The following DEPDC5 variants were observed in gnomAD, a reference collection of about 807,000 sequenced individuals.
DEPDC5 encodes GATOR1 complex protein DEPDC5.
A neutral mutation model predicts 217.3 loss-of-function variants in DEPDC5; 73 were observed. That is an observed-to-expected ratio of 0.34 (90% CI 0.28 to 0.41). DEPDC5 has a LOEUF of 0.41. DEPDC5 is among the 10% of genes least tolerant of loss of function. The pLI, the probability that DEPDC5 is intolerant of heterozygous loss-of-function variation, is 1.00. For missense variants in DEPDC5, 1,675 were observed against 2,070.1 expected (o/e 0.81, Z 3.70); for synonymous variants, 733 against 756.7 (o/e 0.97, Z 0.51).
At chr22:31,871,894 C>T (rs938205885) in intron 34 of DEPDC5, among the ~76,000 whole-genome samples, 23 of 152,176 alleles carry the variant, frequency 1.5e-4, no homozygotes, top group African/African-American at 5.3e-4. Context: ...AGTTCTTTGC[C>T]ATTGAAGATG....
intron 2 of DEPDC5, among the ~76,000 whole-genome samples, chr22:31,756,357 G>A (rs956938530): frequency 6.6e-6 from 1 of 152,140 alleles, no homozygotes; most frequent in African/African-American, 2.4e-5. Flanking sequence ...TAGACTCTGT[G>A]CTCAATAAAT....
chr22:31,847,806 GC>G (rs2091828695), intron 31 of DEPDC5, among the ~76,000 whole-genome samples: 1 of 152,186 alleles, frequency 6.6e-6, no homozygotes, highest in East Asian at 1.9e-4. Context: ...ACACAGTCAT[GC>G]CTTCTCAACA....
chr22:31,897,390 T>C, intron 39 of DEPDC5, 92 bp from the exon 40 acceptor site: 3 of 1,483,402 alleles, frequency 2.0e-6, no homozygotes, highest in Non-Finnish European at 2.7e-6. Flanking sequence ...ATATGCATGC[T>C]GCCTTTCTGG....
intron 21 of DEPDC5, chr22:31,815,669 G>A: frequency 3.4e-6 from 2 of 582,240 alleles, no homozygotes; most frequent in African/African-American, 1.9e-5. Context: ...AAGTAACTGG[G>A]ACTATAGCAT....
At chr22:31,840,290 G>A (rs1175387740) in intron 27 of DEPDC5, among the ~76,000 whole-genome samples, 1 of 152,130 alleles carries the variant, frequency 6.6e-6, no homozygotes, top group Admixed American at 6.6e-5. Context: ...TGGAGGGCAG[G>A]AGTAGAAGGG....
rs1423601178 is a variant in DEPDC5, at chr22:31,837,175, G to A, written c.2354+20G>A. On this transcript the variant is annotated intron_variant, in intron 26 of 42. Coordinates refer to ENST00000651528, the MANE Select transcript of DEPDC5 (RefSeq NM_001242896.3). ...CGACAGGTCAGTGTCAGAGAAAAAG[G>A]CACTTGGCTTGGTTGGTGAGGGTTT... 1 of 1,613,348 alleles carries A rather than the reference G, an allele frequency of 6.2e-7. No individual in the cohort carries two copies. Among genetic ancestry groups the A allele is most frequent in the Non-Finnish European group, 8.5e-7 (1 of 1,179,570 alleles).
intron 8 of DEPDC5, among the ~76,000 whole-genome samples, chr22:31,783,115 A>G (rs543772125): frequency 7.9e-5 from 12 of 152,272 alleles, no homozygotes; most frequent in Admixed American, 5.9e-4. Context: ...AGGATTGTAA[A>G]TGCACCAATC....
rs567934046 is a variant in DEPDC5, at chr22:31,815,836, C to T, written c.1666+624C>T. The T allele has an allele frequency of 5.5e-5, 64 of 1,159,426 alleles. No homozygotes were observed. In the African/African-American group the frequency reaches 8.8e-4, roughly 16 times the overall value. 71.8% of individuals were successfully genotyped at this position (1,159,426 alleles called of 1,614,324 possible). On this transcript the variant is annotated intron_variant, in intron 21 of 42. Transcript: ENST00000651528. ...GAACCAATGTTACCGCACCCTGCCTCTATTATACTATTTTTTGTTTAGCCT... is the reference window on the plus strand; with the variant it reads ...GAACCAATGTTACCGCACCCTGCCTTTATTATACTATTTTTTGTTTAGCCT...
intron 4 of DEPDC5, among the ~76,000 whole-genome samples, chr22:31,761,662 CAAA>C (rs532267383): frequency 7.2e-5 from 7 of 97,438 alleles, no homozygotes; most frequent in Admixed American, 2.3e-4. Context: ...GACCCTATCT[CAAA>C]AAAAAAAAAA....
intron 31 of DEPDC5, among the ~76,000 whole-genome samples, chr22:31,848,365 C>T (rs1300816521): frequency 1.3e-5 from 2 of 152,190 alleles, no homozygotes; most frequent in Non-Finnish European, 2.9e-5. Flanking sequence ...TCCATGAGGG[C>T]CCTGCCCCTG....
At chr22:31,892,698 A>C (rs2093463986) in intron 38 of DEPDC5, among the ~76,000 whole-genome samples, 1 of 152,120 alleles carries the variant, frequency 6.6e-6, no homozygotes, top group Admixed American at 6.5e-5. Flanking sequence ...AAAGAAAGAA[A>C]GAAAATTACT....
chr22:31,880,073 C>T (rs2093133555), intron 38 of DEPDC5: 1 of 330,464 alleles, frequency 3.0e-6, no homozygotes, highest in South Asian at 3.1e-5. Context: ...TGAGATAGTG[C>T]TCATTGCACC....
At chr22:31,768,931 G>A in intron 7 of DEPDC5, 68 bp downstream of exon 7, 1 of 1,556,556 alleles carries the variant, frequency 6.4e-7, no homozygotes, top group Non-Finnish European at 8.8e-7. Flanking sequence ...GGAGGCGTAT[G>A]GATGTCCATA....
chr22:31,860,583 T>C (rs920317889), intron 32 of DEPDC5, among the ~76,000 whole-genome samples: 1 of 152,142 alleles, frequency 6.6e-6, no homozygotes, highest in African/African-American at 2.4e-5. Context: ...TTCACAGACA[T>C]GGCTGCTTGA....
At chr22:31,861,232 C>G in intron 32 of DEPDC5, 136 bp from the exon 33 acceptor site, 5 of 443,638 alleles carry the variant, frequency 1.1e-5, no homozygotes, top group East Asian at 4.0e-5. Context: ...TGTTTCTCTC[C>G]TTCCCTCCTT....
Position 31,857,440 on chromosome 22 carries a change from T to G in DEPDC5, c.3156-5T>G, listed in dbSNP as rs2092344464. The G allele has an allele frequency of 7.5e-6, 12 of 1,598,148 alleles. No individual in the cohort carries two copies. Among genetic ancestry groups the G allele is most frequent in the Non-Finnish European group, 1.0e-5 (12 of 1,172,218 alleles). On this transcript the variant is annotated splice_region_variant and splice_polypyrimidine_tract_variant and intron_variant, in intron 31 of 42. Transcript: ENST00000651528. ...GCTGCTGTCATGTGCTTTTCCTCCT[T>G]TCAGGTGCCTGGGAGAACAGCAGGC... is the stretch of plus-strand genomic sequence containing the variant.
chr22:31,874,352 G>T lies in DEPDC5; in HGVS notation c.3643G>T (p.Val1215Leu). ...CAGCGCGGAGGTGGTACACTGGTTG[G>T]TGAACCACGTGGAGGGGATCCAGAC... ...FISAEVVHWL[V>L]NHVEGIQTQA... is the part of the protein sequence containing the mutation. The change falls in exon 36 of 43, where the codon GTG becomes TTG. Residue 1215 changes from valine to leucine, a missense_variant. Physicochemically the swap from Val to Leu is conservative, Grantham distance 32 (BLOSUM62 1). Around this residue, in one of 11 missense-constraint regions of DEPDC5, gnomAD observed 194 missense variants for 199.3 expected, o/e 0.97. Transcript: ENST00000651528. 1 of 1,611,950 alleles carries T rather than the reference G, an allele frequency of 6.2e-7. No homozygotes were observed. The highest frequency in any genetic ancestry group is 8.5e-7 in the Non-Finnish European group (1 of 1,179,130).
At position 31,907,928 on chromosome 22, in the gene DEPDC5, CCTTTGT is replaced by C. The variant is rs2093776134; in HGVS notation, c.*1436_*1441del. 1 of 152,374 alleles carries C rather than the reference CCTTTGT, an allele frequency of 6.6e-6. No individual in the cohort carries two copies. The highest frequency in any genetic ancestry group is 2.1e-4 in the South Asian group (1 of 4,824). The allele number at this position is 152,374 out of a possible 1,614,324, so 9.4% of individuals were successfully genotyped here. On this transcript the variant is annotated 3_prime_UTR_variant, in exon 43 of 43. Transcript: ENST00000651528. ...CTGAGCTGCCACTCAGTCCAGCCTT[CCTTTGT>C]CTTTCTCTTAGATCCCCAGGAAAAC...
chr22:31,820,100 A>T (rs901464270), intron 22 of DEPDC5, among the ~76,000 whole-genome samples: 1 of 151,176 alleles, frequency 6.6e-6, no homozygotes, highest in African/African-American at 2.4e-5. Context: ...AAATGCATTA[A>T]ACTCCAGGAT....
Sources: allele counts gnomAD v4.1 joint callset (sites outside exome capture counted in the v4.1 genomes callset), GRCh38; gene constraint gnomAD v4.1.1; regional missense constraint gnomAD v4.1.1; transcripts MANE v1.5; gene names NCBI Gene and HGNC (gene_info 2026-07-23, HGNC 2026-07-21).